ZDHHC3: variants seen among roughly 807,000 people sequenced by gnomAD.
ZDHHC3 encodes the protein palmitoyltransferase ZDHHC3.
A neutral mutation model predicts 30.6 loss-of-function variants in ZDHHC3; 9 were observed. The observed-to-expected ratio is 0.29, with a 90% CI of 0.18 to 0.51. ZDHHC3 has a LOEUF of 0.51. Among genes scored for constraint, ZDHHC3 ranks in the 20% least tolerant of loss-of-function variants. The pLI is 0.97. For missense variants in ZDHHC3, 246 were observed against 384.2 expected, an observed-to-expected ratio of 0.64 and a Z score of 3.01; for synonymous variants, 136 against 140.2, an observed-to-expected ratio of 0.97 and a Z score of 0.21.
In ZDHHC3 at chr3:44,921,876, T is replaced by A; in HGVS notation, c.*4813A>T. On this transcript the variant is annotated 3_prime_UTR_variant, in exon 7 of 7. Transcript: ENST00000424952. ...CAGCTGCAGAAATTCAGGGCATCCT[T>A]ATGTCCGTGTTAGAGCATGTGCGGC... The A allele has an allele frequency of 1.0e-6, 1 of 985,426 alleles. No homozygotes were observed. The allele number at this position is 985,426 out of a possible 1,614,324, so 61.0% of individuals were successfully genotyped here. A position where few individuals can be genotyped will look rare whatever the true frequency, so the allele number is the denominator to read the frequency against.
Position 44,959,218 on chromosome 3 carries a change from G to A in ZDHHC3, c.219C>T (p.Tyr73=), listed in dbSNP as rs1158263651. ...LFVMLIPSRD[Y]VYSIINGIVF... ...CAATTCCGTTGATGATGCTATACAC[G>A]TAGTCTCGAGATGGAATCAGCATGA... is the stretch of plus-strand genomic sequence containing the variant. The change falls in exon 2 of 7, where the codon TAC becomes TAT. Residue 73 remains tyrosine (Y), a synonymous_variant. Transcript: ENST00000424952. This position sits in a 1 kb window ranked among gnomAD's most constrained non-coding sequence, Gnocchi z 4.3. 5.0e-6 allele frequency: 8 copies of A among 1,614,130 alleles called. No individual in the cohort carries two copies. The highest frequency in any genetic ancestry group is 4.0e-5 in the African/African-American group (3 of 74,936).
At chr3:44,933,243 T>G (rs1559665846) in intron 4 of ZDHHC3, 44 bp from the exon 5 acceptor site, 3 of 1,587,648 alleles carry the variant, frequency 1.9e-6, no homozygotes, top group Non-Finnish European at 2.6e-6. Context: ...GTGAGAATCC[T>G]CTGACCTCAC....
chr3:44,959,564 C>T lies in ZDHHC3; in HGVS notation c.-24-104G>A. 1.1e-6 allele frequency: 1 copy of T among 938,434 alleles called. No homozygotes were observed. The highest frequency in any genetic ancestry group is 1.6e-6 in the Non-Finnish European group (1 of 629,246). 58.1% of individuals were successfully genotyped at this position (938,434 alleles called of 1,614,324 possible). A position where few individuals can be genotyped will look rare whatever the true frequency, so the allele number is the denominator to read the frequency against. On this transcript the variant is annotated intron_variant, in intron 1 of 6. Transcript: ENST00000424952. The surrounding 1 kb of genome is among the most constrained non-coding windows in gnomAD (Gnocchi z 4.3). ...GAGTTGTGATTACTTATCTGCAACC[C>T]CTGTGTGCAAAGCCACCTAATCACC...
chr3:44,972,851 T>C (rs972085838), intron 1 of ZDHHC3, among the ~76,000 whole-genome samples: 1 of 152,214 alleles, frequency 6.6e-6, no homozygotes, highest in African/African-American at 2.4e-5. Flanking sequence ...CTCACAGGCA[T>C]GCAAACACAC....
intron 2 of ZDHHC3, 151 bp downstream of exon 2, chr3:44,958,980 T>C: frequency 3.1e-6 from 3 of 974,218 alleles, no homozygotes; most frequent in Non-Finnish European, 3.0e-6. Flanking sequence ...TCCACAGAAC[T>C]CTGAACAAGG....
In ZDHHC3 at chr3:44,919,253, G is replaced by A. The variant is rs370393861; in HGVS notation, c.*7436C>T. On this transcript the variant is annotated 3_prime_UTR_variant, in exon 7 of 7. Coordinates refer to ENST00000424952, the MANE Select transcript of ZDHHC3 (RefSeq NM_001135179.2). ...AAAGTTAACATCACAATAATGAAAC[G>A]TATCAACACCATATGCCTCCTGATA... is the stretch of plus-strand genomic sequence containing the variant. 2 of 308,910 alleles carry A rather than the reference G, an allele frequency of 6.5e-6. No homozygotes were observed. Among genetic ancestry groups the A allele is most frequent in the Admixed American group, 6.5e-5 (1 of 15,422 alleles). The allele number at this position is 308,910 out of a possible 1,614,324, so 19.1% of individuals were successfully genotyped here.
chr3:44,925,731 T>C lies in ZDHHC3; in HGVS notation c.*958A>G. On this transcript the variant is annotated 3_prime_UTR_variant, in exon 7 of 7. Transcript: ENST00000424952. Reference sequence around the variant, plus strand: ...TTTATGGGGGTTAACTATCAGAAAGTGAATCCACTTTGAGGTTTATAAAAT... The same window carrying C: ...TTTATGGGGGTTAACTATCAGAAAGCGAATCCACTTTGAGGTTTATAAAAT... 1 of 985,640 alleles carries C rather than the reference T, an allele frequency of 1.0e-6. No individual in the cohort carries two copies. Among genetic ancestry groups the C allele is most frequent in the Non-Finnish European group, 1.2e-6 (1 of 829,932 alleles). The allele number at this position is 985,640 out of a possible 1,614,324, so 61.1% of individuals were successfully genotyped here.
At position 44,920,241 on chromosome 3, in the gene ZDHHC3, C is replaced by T. The variant is rs1247500310; in HGVS notation, c.*6448G>A. ...ATGCCATGCTGCTTCCTGACTGGCC[C>T]CTCGCCAGGCCTCCCTTCTTGGCAC... On this transcript the variant is annotated 3_prime_UTR_variant, in exon 7 of 7. Coordinates refer to ENST00000424952, the MANE Select transcript of ZDHHC3 (RefSeq NM_001135179.2). The T allele has an allele frequency of 7.0e-6, 9 of 1,289,766 alleles. No individual in the cohort carries two copies. Among genetic ancestry groups the T allele is most frequent in the Non-Finnish European group, 9.1e-6 (9 of 988,896 alleles). The allele number at this position is 1,289,766 out of a possible 1,614,324, so 79.9% of individuals were successfully genotyped here.
Position 44,959,116 on chromosome 3 carries a change from C to T in ZDHHC3, c.306+15G>A. 6.2e-7 allele frequency: 1 copy of T among 1,613,540 alleles called. No homozygotes were observed. Among genetic ancestry groups the T allele is most frequent in the Non-Finnish European group, 8.5e-7 (1 of 1,179,636 alleles). On this transcript the variant is annotated intron_variant, in intron 2 of 6. Transcript: ENST00000424952. The surrounding 1 kb of genome is among the most constrained non-coding windows in gnomAD (Gnocchi z 4.3). ...GAGAGTGTGGGCTGGTCAAAACAAG[C>T]CCAGACATACTCACGGGGTCCGTCA...
chr3:44,972,598 C>T (rs1048866002), intron 1 of ZDHHC3, among the ~76,000 whole-genome samples: 1 of 152,168 alleles, frequency 6.6e-6, no homozygotes, highest in African/African-American at 2.4e-5. Context: ...TTATTGTTGC[C>T]GGCTTGTGGC....
intron 1 of ZDHHC3, among the ~76,000 whole-genome samples, chr3:44,960,822 G>A (rs780525024): frequency 2.0e-5 from 3 of 152,222 alleles, no homozygotes; most frequent in Non-Finnish European, 4.4e-5. Context: ...GCAAAGGCAG[G>A]CTTTCGGTAT....
Position 44,945,227 on chromosome 3 carries a change from C to G in ZDHHC3, c.372G>C (p.Gln124His). The G allele has an allele frequency of 1.2e-6, 2 of 1,614,196 alleles. No individual in the cohort carries two copies. Among genetic ancestry groups the G allele is most frequent in the African/African-American group, 1.3e-5 (1 of 75,050 alleles). ...AGCATTTGGGGCACTTGTACACCAC[C>G]TGCCCAGGCTTCAACTGTAAACTCT... Reference protein sequence around the residue: ...FIESLQLKPGQVVYKCPKCCS... With the variant: ...FIESLQLKPGHVVYKCPKCCS... The change falls in exon 3 of 7, where the codon CAG (glutamine) becomes CAC (histidine). Residue 124 changes from glutamine to histidine, a missense_variant. Physicochemically the swap from Gln to His is conservative, Grantham distance 24. Transcript: ENST00000424952.
In ZDHHC3 at chr3:44,924,321, T is replaced by C. The variant is rs180686120; in HGVS notation, c.*2368A>G. 19 of 985,456 alleles carry C rather than the reference T, an allele frequency of 1.9e-5. No homozygotes were observed. The East Asian group carries it at 1.8e-3, about 94-fold the overall frequency. The allele number at this position is 985,456 out of a possible 1,614,324, so 61.0% of individuals were successfully genotyped here. Reference sequence around the variant, plus strand: ...AAATGATGGCTACATTCCTCAGTCATTGTGCTCTTGGCAAAATATCAGTCT... The same window carrying C: ...AAATGATGGCTACATTCCTCAGTCACTGTGCTCTTGGCAAAATATCAGTCT... On this transcript the variant is annotated 3_prime_UTR_variant, in exon 7 of 7. Coordinates refer to ENST00000424952, the MANE Select transcript of ZDHHC3 (RefSeq NM_001135179.2).
At position 44,926,471 on chromosome 3, in the gene ZDHHC3, G is replaced by A; in HGVS notation, c.*218C>T. ...GTGATTTTAAAAGGAAAAGAGAGCAGCTTCGGTCACCAAAAGAAATCGAAA... is the reference window on the plus strand; with the variant it reads ...GTGATTTTAAAAGGAAAAGAGAGCAACTTCGGTCACCAAAAGAAATCGAAA... On this transcript the variant is annotated 3_prime_UTR_variant, in exon 7 of 7. Coordinates refer to ENST00000424952, the MANE Select transcript of ZDHHC3 (RefSeq NM_001135179.2). 1 of 1,282,166 alleles carries A rather than the reference G, an allele frequency of 7.8e-7. No individual in the cohort carries two copies. Among genetic ancestry groups the A allele is most frequent in the Non-Finnish European group, 9.8e-7 (1 of 1,017,834 alleles). The allele number at this position is 1,282,166 out of a possible 1,614,324, so 79.4% of individuals were successfully genotyped here.
chr3:44,933,057 C>G (rs1170460371), intron 5 of ZDHHC3, 61 bp downstream of exon 5: 1 of 1,611,772 alleles, frequency 6.2e-7, no homozygotes, highest in South Asian at 1.1e-5. Flanking sequence ...AGCCTCCCCG[C>G]CCCCCACTCA....
intron 6 of ZDHHC3, 39 bp from the exon 7 acceptor site, chr3:44,926,886 C>T (rs1347842546): frequency 1.1e-5 from 17 of 1,562,154 alleles, no homozygotes; most frequent in Non-Finnish European, 1.5e-5. Flanking sequence ...TCAAGCACTG[C>T]ATTGCTGTGG....
intron 1 of ZDHHC3, among the ~76,000 whole-genome samples, chr3:44,969,367 C>G (rs539738580): frequency 1.2e-4 from 18 of 152,252 alleles, no homozygotes; most frequent in Non-Finnish European, 2.2e-4. Context: ...ATTCTCACAT[C>G]TACTCTATTT....
At chr3:44,928,542 G>A (rs1701205282) in intron 6 of ZDHHC3, among the ~76,000 whole-genome samples, 1 of 152,118 alleles carries the variant, frequency 6.6e-6, no homozygotes, top group Non-Finnish European at 1.5e-5. Context: ...CTCACACCCA[G>A]AGCTAAGTGC....
At chr3:44,955,596 G>C (rs1703882367) in intron 2 of ZDHHC3, among the ~76,000 whole-genome samples, 2 of 152,060 alleles carry the variant, frequency 1.3e-5, no homozygotes, top group South Asian at 4.2e-4. Context: ...ATGAATTCTT[G>C]AGATATAAAA....
Sources: allele counts gnomAD v4.1 joint callset (sites outside exome capture counted in the v4.1 genomes callset), GRCh38; gene constraint gnomAD v4.1.1; non-coding constraint Gnocchi (gnomAD v3.1); transcripts MANE v1.5; gene names NCBI Gene and HGNC (gene_info 2026-07-23, HGNC 2026-07-21).